Variants in HTRA1 observed in about 807,000 individuals in gnomAD.
The protein encoded by HTRA1 is HtrA serine peptidase 1.
In HTRA1, 26 loss-of-function variants were observed where a neutral mutation model predicts 49.7. That is an observed-to-expected ratio of 0.52 (90% confidence interval 0.38 to 0.73). The LOEUF is 0.73. HTRA1 is among the 30% of genes least tolerant of loss of function. The probability of loss-of-function intolerance (pLI) is 0.00; values close to 1 mark genes in which losing one functional copy is unlikely to be tolerated. For synonymous variants in HTRA1, 291 were observed against 286.9 expected, an observed-to-expected ratio of 1.01 and a Z score of -0.14; for missense variants, 561 against 667.2, an observed-to-expected ratio of 0.84 and a Z score of 1.75.
chr10:122,514,169 T>C (rs2097506889), intron 8 of HTRA1, 22 bp from the exon 9 acceptor site: 3 of 1,611,400 alleles, frequency 1.9e-6, no homozygotes, highest in Non-Finnish European at 2.5e-6. Context: ...ACATTGCCAT[T>C]GTGTTTCCCT....
chr10:122,505,409 G>A (rs191013505), intron 3 of HTRA1, among the ~76,000 whole-genome samples: 2 of 152,222 alleles, frequency 1.3e-5, no homozygotes, highest in South Asian at 2.1e-4. Flanking sequence ...GTGTGTTGGG[G>A]GATATTTGTG....
chr10:122,461,680 C>T lies in HTRA1; in HGVS notation c.28C>T (p.Pro10Ser). Residue 10 changes from proline to serine, a missense_variant, in exon 1 of 9, where the codon CCG (proline) becomes TCG (serine). Transcript: ENST00000368984. MQIPRAALL[P>S]LLLLLLAAPA... Reference sequence around the variant, plus strand: ...GCAGATCCCGCGCGCCGCTCTTCTCCCGCTGCTGCTGCTGCTGCTGGCGGC... The same window carrying T: ...GCAGATCCCGCGCGCCGCTCTTCTCTCGCTGCTGCTGCTGCTGCTGGCGGC... The T allele has an allele frequency of 4.6e-6, 6 of 1,315,216 alleles. No individual in the cohort carries two copies. Among genetic ancestry groups the T allele is most frequent in the South Asian group, 4.1e-5 (3 of 73,664 alleles). The allele number at this position is 1,315,216 out of a possible 1,614,324, so 81.5% of individuals were successfully genotyped here.
chr10:122,506,103 G>GTCTTGGGTCCTGGAGGCCTTGCTA lies in HTRA1; in HGVS notation c.778-586_778-585insTTGGGTCCTGGAGGCCTTGCTATC, dbSNP rs1235846057. 6.6e-6 allele frequency among the ~76,000 whole-genome samples: 1 copy of GTCTTGGGTCCTGGAGGCCTTGCTA among 152,184 alleles called. No individual in the cohort carries two copies. The highest frequency in any genetic ancestry group is 6.5e-5 in the Admixed American group (1 of 15,286). On this transcript the variant is annotated intron_variant, in intron 3 of 8. Transcript: ENST00000368984. This position sits in a 1 kb window ranked among gnomAD's most constrained non-coding sequence, Gnocchi z 5.2. ...GACAGCCTACCTATTCGGTCTTGCT[G>GTCTTGGGTCCTGGAGGCCTTGCTA]TCCCCATGCTCCATCCCTGCCCCTG... is the stretch of plus-strand genomic sequence containing the variant.
chr10:122,507,962 T>C (rs113615141), intron 5 of HTRA1, among the ~76,000 whole-genome samples: 174 of 151,490 alleles, frequency 1.1e-3, no homozygotes, highest in African/African-American at 4.2e-3. Flanking sequence ...AGGGCAGCTC[T>C]GGGGCCATTT....
chr10:122,469,759 A>G (rs1219388981), intron 1 of HTRA1, among the ~76,000 whole-genome samples: 1 of 152,224 alleles, frequency 6.6e-6, no homozygotes, highest in Non-Finnish European at 1.5e-5. Flanking sequence ...CAGCCAGTGC[A>G]AGGAGGCAGA....
chr10:122,474,376 T>C (rs2097487502), intron 1 of HTRA1, among the ~76,000 whole-genome samples: 2 of 152,164 alleles, frequency 1.3e-5, no homozygotes, highest in South Asian at 4.1e-4. Context: ...GGCTGGGTAC[T>C]GCTTGGAAGA....
chr10:122,503,081 C>T (rs922111324), intron 3 of HTRA1, among the ~76,000 whole-genome samples: 7 of 152,206 alleles, frequency 4.6e-5, no homozygotes, highest in Admixed American at 2.6e-4. Context: ...GGCCTGTGGC[C>T]GGTGCCGCTT....
Position 122,506,921 on chromosome 10 carries a change from C to G in HTRA1, c.972+36C>G. ...GTCCCTCTGCGGGTGGGGATTGGGG[C>G]AGAGTTTTGCCAGGGGGAGAGGAGT... On this transcript the variant is annotated intron_variant, in intron 4 of 8. Transcript: ENST00000368984. This position sits in a 1 kb window ranked among gnomAD's most constrained non-coding sequence, Gnocchi z 5.2. The G allele has an allele frequency of 1.3e-6, 2 of 1,586,372 alleles. No individual in the cohort carries two copies. Among genetic ancestry groups the G allele is most frequent in the Non-Finnish European group, 1.7e-6 (2 of 1,157,316 alleles).
intron 8 of HTRA1, among the ~76,000 whole-genome samples, chr10:122,512,592 C>A (rs962409239): frequency 6.6e-6 from 1 of 152,216 alleles, no homozygotes; most frequent in Admixed American, 6.5e-5. Context: ...GAGAAAAGTG[C>A]GAGACCAGGG....
At chr10:122,484,578 A>C (rs1437298056) in intron 1 of HTRA1, among the ~76,000 whole-genome samples, 1 of 152,244 alleles carries the variant, frequency 6.6e-6, no homozygotes, top group Non-Finnish European at 1.5e-5. Context: ...CACTGTGGCC[A>C]GTCCTTTGGA....
intron 7 of HTRA1, 72 bp downstream of exon 7, chr10:122,510,225 C>A: frequency 1.6e-6 from 2 of 1,268,698 alleles, no homozygotes; most frequent in Non-Finnish European, 2.3e-6. Flanking sequence ...CTCACGGGCA[C>A]CCCTGAAAGA....
intron 1 of HTRA1, among the ~76,000 whole-genome samples, chr10:122,474,510 A>C (rs1293069253): frequency 6.6e-6 from 1 of 152,118 alleles, no homozygotes; most frequent in Non-Finnish European, 1.5e-5. Flanking sequence ...CCGGGTGGGC[A>C]CTGCCTCCCA....
chr10:122,474,584 AC>A (rs2097487619), intron 1 of HTRA1, among the ~76,000 whole-genome samples: 1 of 152,162 alleles, frequency 6.6e-6, no homozygotes, highest in African/African-American at 2.4e-5. Context: ...AGACATAACA[AC>A]CTATGTTGAG....
At chr10:122,468,110 C>T (rs1018470991) in intron 1 of HTRA1, among the ~76,000 whole-genome samples, 5 of 152,162 alleles carry the variant, frequency 3.3e-5, no homozygotes, top group Admixed American at 2.6e-4. Flanking sequence ...TATGGGGACT[C>T]AGAGGTAAGG....
chr10:122,476,883 C>T (rs1392428978), intron 1 of HTRA1, among the ~76,000 whole-genome samples: 3 of 152,048 alleles, frequency 2.0e-5, no homozygotes, highest in African/African-American at 4.8e-5. Flanking sequence ...ATAAATTTCC[C>T]GGTGTGTCTT....
chr10:122,463,756 CAG>C (rs546391415), intron 1 of HTRA1, among the ~76,000 whole-genome samples: 8 of 152,230 alleles, frequency 5.3e-5, no homozygotes, highest in Non-Finnish European at 7.3e-5. Flanking sequence ...CAGCCTCATT[CAG>C]AGGAGTCAGC....
chr10:122,491,125 G>A lies in HTRA1; in HGVS notation c.777+1499G>A, dbSNP rs145476013. On this transcript the variant is annotated intron_variant, in intron 3 of 8. Coordinates refer to ENST00000368984, the MANE Select transcript of HTRA1 (RefSeq NM_002775.5). Reference sequence around the variant, plus strand: ...TCACAGGATTATTGGGCCAGCCTCTGCCTTCATTCTTTTTCACCTAATCTG... The same window carrying A: ...TCACAGGATTATTGGGCCAGCCTCTACCTTCATTCTTTTTCACCTAATCTG... Among the ~76,000 whole-genome samples, 437 of 152,286 alleles carry A rather than the reference G, an allele frequency of 2.9e-3. 1 individual carries two copies. The highest frequency in any genetic ancestry group is 9.9e-3 in the African/African-American group (410 of 41,548).
intron 3 of HTRA1, among the ~76,000 whole-genome samples, chr10:122,496,225 G>GTTTTTTTTTTTT (rs1287521208): frequency 0.031 from 2,525 of 80,388 alleles, 1,045 homozygotes; most frequent in Non-Finnish European, 0.037. Context: ...GAGATTGTGG[G>GTTTTTTTTTTTT]TTCTTTTTTT....
intron 1 of HTRA1, among the ~76,000 whole-genome samples, chr10:122,482,125 C>A (rs2097491284): frequency 6.6e-6 from 1 of 151,886 alleles, no homozygotes; most frequent in East Asian, 1.9e-4. Context: ...TATTTGTGTC[C>A]CTATAACACA....
Sources: gnomAD v4.1 joint callset for allele counts (sites outside exome capture counted in the v4.1 genomes callset) on GRCh38, gnomAD v4.1.1 for gene constraint, Gnocchi (gnomAD v3.1) non-coding constraint, MANE v1.5 for transcripts, NCBI Gene and HGNC (gene_info 2026-07-23, HGNC 2026-07-21) for gene names.